WDR7: variants seen among roughly 807,000 people sequenced by gnomAD.
The protein encoded by WDR7 is WD repeat-containing protein 7.
In WDR7, 46 loss-of-function variants were observed where a neutral mutation model predicts 169.4. The ratio of observed to expected loss-of-function variants is 0.27; its 90% CI spans 0.21 to 0.35. The LOEUF is 0.35. WDR7 is among the 10% of genes least tolerant of loss of function. The probability of loss-of-function intolerance (pLI) is 1.00; values close to 1 mark genes in which losing one functional copy is unlikely to be tolerated. For missense variants in WDR7, 1,534 were observed against 1,859.3 expected, an observed-to-expected ratio of 0.83 and a Z score of 3.22; for synonymous variants, 612 against 666.8, an observed-to-expected ratio of 0.92 and a Z score of 1.27.
intron 21 of WDR7, among the ~76,000 whole-genome samples, chr18:56,912,827 A>G (rs1450144060): frequency 6.6e-6 from 1 of 152,066 alleles, no homozygotes; most frequent in East Asian, 1.9e-4. Context: ...TAGGTATCAC[A>G]TCCAGTTCCA....
intron 22 of WDR7, among the ~76,000 whole-genome samples, chr18:56,933,122 G>A (rs929423185): frequency 3.3e-5 from 5 of 152,156 alleles, no homozygotes; most frequent in African/African-American, 9.7e-5. Context: ...TCCTGCAGAA[G>A]CCAGACCCTT....
intron 26 of WDR7, among the ~76,000 whole-genome samples, chr18:56,973,297 T>G (rs2145807941): frequency 6.6e-6 from 1 of 152,370 alleles, no homozygotes; most frequent in African/African-American, 2.4e-5. Context: ...AGTTCTACTG[T>G]TTACAAACTG....
intron 27 of WDR7, 92 bp downstream of exon 27, chr18:57,020,941 C>A: frequency 9.2e-7 from 1 of 1,091,692 alleles, no homozygotes; most frequent in Non-Finnish European, 1.4e-6. Flanking sequence ...GCCGGCCCTC[C>A]TTCCTGTCCT....
intron 21 of WDR7, among the ~76,000 whole-genome samples, chr18:56,907,333 A>G (rs1018907634): frequency 9.2e-5 from 14 of 152,150 alleles, no homozygotes; most frequent in African/African-American, 2.7e-4. Context: ...AAATGGTTAA[A>G]ATGACAACAG....
intron 20 of WDR7, among the ~76,000 whole-genome samples, chr18:56,843,410 C>T (rs1030986052): frequency 2.6e-5 from 4 of 152,168 alleles, no homozygotes; most frequent in African/African-American, 9.6e-5. Context: ...AACCACTGTT[C>T]TGCTTTCTGT....
At chr18:56,758,630 A>C (rs549963864) in intron 15 of WDR7, among the ~76,000 whole-genome samples, 1 of 151,616 alleles carries the variant, frequency 6.6e-6, no homozygotes, top group South Asian at 2.1e-4. Flanking sequence ...TCTTAAACTA[A>C]TATGAAGCAC....
At position 57,027,280 on chromosome 18, in the gene WDR7, C is replaced by T. The variant is rs2048380326; in HGVS notation, c.*73C>T. 6 of 1,515,922 alleles carry T rather than the reference C, an allele frequency of 4.0e-6. No individual in the cohort carries two copies. Among genetic ancestry groups the T allele is most frequent in the Non-Finnish European group, 5.3e-6 (6 of 1,130,570 alleles). 93.9% of individuals were successfully genotyped at this position (1,515,922 alleles called of 1,614,324 possible). ...AAGCCGATGTTGCTCTGTCCTTCCT[C>T]ACACCAGATTGTTCCCAGGGGCCTG... On this transcript the variant is annotated 3_prime_UTR_variant, in exon 28 of 28. Coordinates refer to ENST00000254442, the MANE Select transcript of WDR7 (RefSeq NM_015285.3).
chr18:57,023,112 TA>T (rs1227715695), intron 27 of WDR7, among the ~76,000 whole-genome samples: 1 of 152,234 alleles, frequency 6.6e-6, no homozygotes, highest in Non-Finnish European at 1.5e-5. Context: ...TAATGGAAGA[TA>T]CAAAAACAAG....
chr18:56,802,672 A>G (rs1286024177), intron 19 of WDR7, among the ~76,000 whole-genome samples: 1 of 151,986 alleles, frequency 6.6e-6, no homozygotes, highest in Non-Finnish European at 1.5e-5. Flanking sequence ...CTGGCCCAAC[A>G]GTAAAGTTTT....
intron 1 of WDR7, among the ~76,000 whole-genome samples, chr18:56,664,899 C>T (rs2024984311): frequency 6.6e-6 from 1 of 152,096 alleles, no homozygotes. Flanking sequence ...TGGAAGGGAG[C>T]TAGCATTTGA....
intron 26 of WDR7, chr18:57,010,108 A>C: frequency 6.1e-6 from 6 of 985,506 alleles, no homozygotes; most frequent in Non-Finnish European, 7.2e-6. Flanking sequence ...GCTGCTGAGG[A>C]ACTCCATGTG....
chr18:56,833,016 A>G (rs562672861), intron 20 of WDR7, among the ~76,000 whole-genome samples: 1 of 152,184 alleles, frequency 6.6e-6, no homozygotes, highest in South Asian at 2.1e-4. Flanking sequence ...TAGGCTTCAG[A>G]AGGTGGGTAA....
At chr18:56,778,880 A>G (rs1247890380) in intron 17 of WDR7, among the ~76,000 whole-genome samples, 1 of 151,986 alleles carries the variant, frequency 6.6e-6, no homozygotes, top group African/African-American at 2.4e-5. Flanking sequence ...TAAATATTAG[A>G]TATTATGGTT....
chr18:56,736,300 A>G (rs2026697492), intron 14 of WDR7, among the ~76,000 whole-genome samples: 1 of 152,172 alleles, frequency 6.6e-6, no homozygotes. Context: ...TTAATGAATG[A>G]GAAAAATGAA....
At chr18:56,792,791 CAG>C (rs1175878516) in intron 19 of WDR7, among the ~76,000 whole-genome samples, 14 of 148,706 alleles carry the variant, frequency 9.4e-5, no homozygotes, top group African/African-American at 3.2e-4. Flanking sequence ...CACACACACA[CAG>C]ACACACATGC....
chr18:56,932,216 A>G (rs2046896025), intron 22 of WDR7, among the ~76,000 whole-genome samples: 1 of 152,164 alleles, frequency 6.6e-6, no homozygotes, highest in South Asian at 2.1e-4. Flanking sequence ...AATTATCCAC[A>G]TTCTGCAGTC....
chr18:56,879,863 C>A, intron 20 of WDR7, 81 bp from the exon 21 acceptor site: 2 of 1,122,840 alleles, frequency 1.8e-6, no homozygotes, highest in African/African-American at 1.6e-5. Context: ...TCCGAACGTG[C>A]AGTCCTGAAT....
intron 1 of WDR7, among the ~76,000 whole-genome samples, chr18:56,662,019 C>T (rs546886212): frequency 1.1e-3 from 161 of 152,330 alleles, no homozygotes; most frequent in Non-Finnish European, 9.8e-4. Context: ...ACAAACTTCT[C>T]ATTCTTCTTT....
At chr18:56,787,137 T>C (rs2044413294) in intron 19 of WDR7, among the ~76,000 whole-genome samples, 1 of 152,124 alleles carries the variant, frequency 6.6e-6, no homozygotes, top group South Asian at 2.1e-4. Flanking sequence ...TTGACTTTTT[T>C]ATGAGGTCAA....
Sources: allele counts gnomAD v4.1 joint callset (sites outside exome capture counted in the v4.1 genomes callset), GRCh38; gene constraint gnomAD v4.1.1; transcripts MANE v1.5; gene names NCBI Gene and HGNC (gene_info 2026-07-23, HGNC 2026-07-21).